Variants in CLSTN1 observed in about 807,000 individuals in gnomAD.
The protein encoded by CLSTN1 is calsyntenin 1, also known as calsyntenin-1.
Under a neutral mutation model 108.3 loss-of-function variants are expected in CLSTN1, and 28 were observed. That is an observed-to-expected ratio of 0.26 (90% confidence interval 0.19 to 0.35). The LOEUF (loss-of-function observed/expected upper bound fraction) is 0.35. Among genes scored for constraint, CLSTN1 ranks in the 10% least tolerant of loss-of-function variants. The pLI, the probability that CLSTN1 is intolerant of heterozygous loss-of-function variation, is 1.00. For synonymous variants in CLSTN1, 524 were observed against 534.9 expected, an observed-to-expected ratio of 0.98 and a Z score of 0.28; for missense variants, 1,157 against 1,302.6, an observed-to-expected ratio of 0.89 and a Z score of 1.72.
In CLSTN1 at chr1:9,741,903, C is replaced by G. The variant is rs1651002592; in HGVS notation, c.1357-647G>C. Reference sequence around the variant, plus strand: ...CTCCAGCCTGGGTGACAGAGCAAGACTCTATCTCCTCCCCACCGCCGACAA... The same window carrying G: ...CTCCAGCCTGGGTGACAGAGCAAGAGTCTATCTCCTCCCCACCGCCGACAA... On this transcript the variant is annotated intron_variant, in intron 9 of 18. Transcript: ENST00000377298. Among the ~76,000 whole-genome samples, 16 of 152,198 alleles carry G rather than the reference C, an allele frequency of 1.1e-4. 1 individual carries two copies. The highest frequency in any genetic ancestry group is 1.0e-3 in the Admixed American group (16 of 15,280).
rs1655257670 is a variant in CLSTN1 at position 9,823,246 on chromosome 1, C to A, written c.91+397G>T. 6.6e-6 allele frequency among the ~76,000 whole-genome samples: 1 copy of A among 152,330 alleles called. No homozygotes were observed. Among genetic ancestry groups the A allele is most frequent in the East Asian group, 1.9e-4 (1 of 5,178 alleles). ...GAGCATCTCACCCAGGGGTGCAGCC[C>A]CAGCCTGCGTGCGCCGCTGAGCAGG... On this transcript the variant is annotated intron_variant, in intron 1 of 18. Coordinates refer to ENST00000377298, the MANE Select transcript of CLSTN1 (RefSeq NM_001009566.3). The surrounding 1 kb of genome is among the most constrained non-coding windows in gnomAD (Gnocchi z 6.3).
At chr1:9,795,067 AT>A (rs1227601328) in intron 1 of CLSTN1, among the ~76,000 whole-genome samples, 1 of 149,934 alleles carries the variant, frequency 6.7e-6, no homozygotes. Flanking sequence ...TTGCACCCCT[AT>A]TTTTTTTGCT....
rs1650568521 is a variant in CLSTN1, at chr1:9,734,321, T to C, written c.2111-179A>G. Among the ~76,000 whole-genome samples the C allele has an allele frequency of 6.6e-6, 1 of 152,146 alleles. No homozygotes were observed. Among genetic ancestry groups the C allele is most frequent in the Admixed American group, 6.5e-5 (1 of 15,274 alleles). Reference sequence around the variant, plus strand: ...TGGGCGCAGTGGCTCACGCCTGTAATCCCAGCACTTTGGGAGGCCAAGACG... The same window carrying C: ...TGGGCGCAGTGGCTCACGCCTGTAACCCCAGCACTTTGGGAGGCCAAGACG... On this transcript the variant is annotated intron_variant, in intron 14 of 18. Coordinates refer to ENST00000377298, the MANE Select transcript of CLSTN1 (RefSeq NM_001009566.3). The surrounding 1 kb of genome is among the most constrained non-coding windows in gnomAD (Gnocchi z 4.8).
intron 1 of CLSTN1, among the ~76,000 whole-genome samples, chr1:9,803,354 C>T (rs539002202): frequency 1.6e-4 from 25 of 152,290 alleles, no homozygotes; most frequent in Non-Finnish European, 2.5e-4. Flanking sequence ...CCCAAAACAG[C>T]AGCTCTCAAC....
chr1:9,755,053 T>C (rs1490090820), intron 4 of CLSTN1, 61 bp downstream of exon 4: 6 of 1,432,744 alleles, frequency 4.2e-6, no homozygotes, highest in Non-Finnish European at 5.8e-6. Flanking sequence ...ACTACTATTT[T>C]CGTTCTGCGC....
rs80287591 is a variant in CLSTN1 at position 9,743,737 on chromosome 1, T to G, written c.1356+147A>C. The G allele has an allele frequency of 4.8e-6, 4 of 837,584 alleles. No homozygotes were observed. In the South Asian group the frequency reaches 7.7e-5, roughly 16 times the overall value. 51.9% of individuals were successfully genotyped at this position (837,584 alleles called of 1,614,324 possible). A position where few individuals can be genotyped will look rare whatever the true frequency, so the allele number is the denominator to read the frequency against. ...TAATTTTCGTGGGTTTTTTTTTTTTTGTAGGGACAGGATCTTAGTAATGTT... is the reference window on the plus strand; with the variant it reads ...TAATTTTCGTGGGTTTTTTTTTTTTGGTAGGGACAGGATCTTAGTAATGTT... On this transcript the variant is annotated intron_variant, in intron 9 of 18. Transcript: ENST00000377298.
At chr1:9,776,025 T>C (rs796327546) in intron 1 of CLSTN1, among the ~76,000 whole-genome samples, 1 of 148,750 alleles carries the variant, frequency 6.7e-6, no homozygotes, top group South Asian at 2.1e-4. Flanking sequence ...CAGGCTGGAG[T>C]GCAATGGCGC....
chr1:9,814,523 G>A (rs1654894810), intron 1 of CLSTN1, among the ~76,000 whole-genome samples: 1 of 152,152 alleles, frequency 6.6e-6, no homozygotes. Context: ...GGTAATTGAG[G>A]AATAGTTAAA....
intron 6 of CLSTN1, 51 bp from the exon 7 acceptor site, chr1:9,749,697 C>T (rs1349750824): frequency 1.2e-6 from 2 of 1,611,064 alleles, no homozygotes; most frequent in Admixed American, 1.7e-5. Flanking sequence ...AACACACACT[C>T]TAGGTTGCTG....
intron 1 of CLSTN1, among the ~76,000 whole-genome samples, chr1:9,774,045 GTATTAT>G (rs547115927): frequency 1.2e-3 from 182 of 152,018 alleles, no homozygotes; most frequent in Non-Finnish European, 2.0e-3. Flanking sequence ...CCTGGCCCCA[GTATTAT>G]TATTATTTTT....
intron 1 of CLSTN1, among the ~76,000 whole-genome samples, chr1:9,816,540 A>T (rs1349341505): frequency 6.7e-6 from 1 of 148,978 alleles, no homozygotes; most frequent in African/African-American, 2.4e-5. Flanking sequence ...CTGCTTTAAA[A>T]AAAAAAAAAA....
chr1:9,752,737 C>G (rs552030771), intron 4 of CLSTN1, among the ~76,000 whole-genome samples: 2 of 152,190 alleles, frequency 1.3e-5, no homozygotes, highest in African/African-American at 4.8e-5. Context: ...TGGAGCGTGC[C>G]TGTAATCCCA....
At chr1:9,742,692 A>G (rs973033223) in intron 9 of CLSTN1, among the ~76,000 whole-genome samples, 6 of 152,226 alleles carry the variant, frequency 3.9e-5, no homozygotes, top group African/African-American at 1.4e-4. Flanking sequence ...AAATACACCA[A>G]TAAGAGATGA....
At chr1:9,761,287 G>T (rs1320562294) in intron 2 of CLSTN1, among the ~76,000 whole-genome samples, 2 of 152,160 alleles carry the variant, frequency 1.3e-5, no homozygotes, top group Admixed American at 1.3e-4. Context: ...GAGGTCAGGA[G>T]TTCGAGACCA....
intron 17 of CLSTN1, 90 bp from the exon 18 acceptor site, chr1:9,731,480 G>A (rs1411717601): frequency 6.6e-6 from 9 of 1,357,186 alleles, no homozygotes; most frequent in Non-Finnish European, 4.1e-6. Flanking sequence ...TGGTCAAAAC[G>A]GGCTGGACAG....
In CLSTN1 at chr1:9,749,756, A is replaced by C. The variant is rs1174877614; in HGVS notation, c.799+8T>G. 6.2e-7 allele frequency: 1 copy of C among 1,613,938 alleles called. No individual in the cohort carries two copies. ...AGATGTGAGCGCAGGGGAGAGAATG[A>C]AGCTCACCTTGCCACCCAGGGGTGC... is the stretch of plus-strand genomic sequence containing the variant. On this transcript the variant is annotated splice_region_variant and intron_variant, in intron 6 of 18. Coordinates refer to ENST00000377298, the MANE Select transcript of CLSTN1 (RefSeq NM_001009566.3).
intron 7 of CLSTN1, among the ~76,000 whole-genome samples, chr1:9,748,430 A>G (rs1651387958): frequency 6.6e-6 from 1 of 152,176 alleles, no homozygotes; most frequent in South Asian, 2.1e-4. Context: ...AGATGTGGCT[A>G]TCTTTAGTTC....
At position 9,743,879 on chromosome 1, in the gene CLSTN1, C is replaced by T. The variant is rs770961506; in HGVS notation, c.1356+5G>A. The T allele has an allele frequency of 2.5e-6, 4 of 1,613,930 alleles. 1 individual carries two copies. The South Asian group carries it at 4.4e-5, about 18-fold the overall frequency. On this transcript the variant is annotated splice_donor_5th_base_variant and intron_variant, in intron 9 of 18. Transcript: ENST00000377298. Reference sequence around the variant, plus strand: ...GCCCTATTAGTGCGTTTTCAATTCACTCACCTGATTCAACTTCCAGTGGAA... The same window carrying T: ...GCCCTATTAGTGCGTTTTCAATTCATTCACCTGATTCAACTTCCAGTGGAA...
At chr1:9,787,110 G>A (rs1490498657) in intron 1 of CLSTN1, among the ~76,000 whole-genome samples, 2 of 151,102 alleles carry the variant, frequency 1.3e-5, no homozygotes, top group Non-Finnish European at 2.9e-5. Flanking sequence ...GGTATCTCCC[G>A]CACACGGAGA....
Sources: gnomAD v4.1 joint callset for allele counts (sites outside exome capture counted in the v4.1 genomes callset) on GRCh38, gnomAD v4.1.1 for gene constraint, Gnocchi (gnomAD v3.1) non-coding constraint, MANE v1.5 for transcripts, NCBI Gene and HGNC (gene_info 2026-07-23, HGNC 2026-07-21) for gene names.